Variants in CDC42BPB observed in about 807,000 individuals in gnomAD.
CDC42BPB encodes the protein serine/threonine-protein kinase MRCK beta.
CDC42BPB carries 37 observed loss-of-function variants against 214.9 expected under a neutral mutation model. That is an observed-to-expected ratio of 0.17 (90% CI 0.13 to 0.23). The LOEUF (loss-of-function observed/expected upper bound fraction) is 0.23, where lower values mean the gene tolerates loss of function less well. Ranked by LOEUF, CDC42BPB falls within the 10% of genes least tolerant of loss-of-function variation. CDC42BPB has a pLI of 1.00. For synonymous variants in CDC42BPB, 931 were observed against 884.0 expected (o/e 1.05, Z -0.94); for missense variants, 1,694 against 2,227.0 (o/e 0.76, Z 4.82).
rs1404292903 is a variant in CDC42BPB at position 103,015,785 on chromosome 14, T to G, written c.176-3597A>C. Among the ~76,000 whole-genome samples the G allele has an allele frequency of 4.6e-5, 7 of 152,108 alleles. No individual in the cohort carries two copies. In the East Asian group the frequency reaches 9.7e-4, roughly 21 times the overall value. On this transcript the variant is annotated intron_variant, in intron 1 of 36. Coordinates refer to ENST00000361246, the MANE Select transcript of CDC42BPB (RefSeq NM_006035.4). ...GAGTGCAGTAACAATCTCAGCTCACTGCAACCTCCGCCTCCTGGGTTCAAG... is the reference window on the plus strand; with the variant it reads ...GAGTGCAGTAACAATCTCAGCTCACGGCAACCTCCGCCTCCTGGGTTCAAG...
intron 21 of CDC42BPB, among the ~76,000 whole-genome samples, chr14:102,957,411 G>A (rs986990129): frequency 4.6e-5 from 7 of 152,056 alleles, no homozygotes; most frequent in South Asian, 2.1e-4. Context: ...GAAAGCTACC[G>A]CTTTCCTGGC....
chr14:103,033,986 G>A (rs1322176720), intron 1 of CDC42BPB, among the ~76,000 whole-genome samples: 3 of 152,108 alleles, frequency 2.0e-5, no homozygotes, highest in East Asian at 1.9e-4. Flanking sequence ...ACTTCTGTAC[G>A]GATTCTACAA....
chr14:103,042,546 G>A (rs1051392283), intron 1 of CDC42BPB, among the ~76,000 whole-genome samples: 2 of 152,130 alleles, frequency 1.3e-5, no homozygotes, highest in African/African-American at 2.4e-5. Flanking sequence ...TCCTGACCTC[G>A]TGATCTGCCC....
chr14:102,975,820 C>T lies in CDC42BPB; in HGVS notation c.1388-17G>A, dbSNP rs368958430. 28 of 1,613,990 alleles carry T rather than the reference C, an allele frequency of 1.7e-5. No homozygotes were observed. Among genetic ancestry groups the T allele is most frequent in the Non-Finnish European group, 2.2e-5 (26 of 1,179,982 alleles). Reference sequence around the variant, plus strand: ...GGGTGGACTCTGAGGGATGGAGAGACAGCGTGAGGTGCAGCCTGGCCGCAG... The same window carrying T: ...GGGTGGACTCTGAGGGATGGAGAGATAGCGTGAGGTGCAGCCTGGCCGCAG... On this transcript the variant is annotated splice_polypyrimidine_tract_variant and intron_variant, in intron 10 of 36. Coordinates refer to ENST00000361246, the MANE Select transcript of CDC42BPB (RefSeq NM_006035.4).
intron 10 of CDC42BPB, 27 bp from the exon 11 acceptor site, chr14:102,975,830 T>G: frequency 6.2e-7 from 1 of 1,613,950 alleles, no homozygotes; most frequent in Non-Finnish European, 8.5e-7. Flanking sequence ...CAGCGTGAGG[T>G]GCAGCCTGGC....
At chr14:102,986,411 C>T in intron 6 of CDC42BPB, 76 bp downstream of exon 6, 1 of 926,522 alleles carries the variant, frequency 1.1e-6, no homozygotes, top group Non-Finnish European at 1.7e-6. Flanking sequence ...TTAATTGTAC[C>T]TCAAATTGAA....
At chr14:103,035,797 G>A (rs1480701865) in intron 1 of CDC42BPB, among the ~76,000 whole-genome samples, 3 of 151,804 alleles carry the variant, frequency 2.0e-5, no homozygotes, top group Non-Finnish European at 4.4e-5. Flanking sequence ...CGGAGATCAC[G>A]CCACTGCATT....
chr14:103,025,359 A>G (rs1886991941), intron 1 of CDC42BPB, among the ~76,000 whole-genome samples: 1 of 152,128 alleles, frequency 6.6e-6, no homozygotes, highest in Non-Finnish European at 1.5e-5. Context: ...ACCCAAGAGA[A>G]GTGAGCAGGT....
chr14:102,943,985 C>T lies in CDC42BPB; in HGVS notation c.4314G>A (p.Leu1438=). Reference sequence around the variant, plus strand: ...ACAGTCCCATGTGGCTGAAGCAAAGCAGGTACTCCTCGCTTTCGAGCTCCA... The same window carrying T: ...ACAGTCCCATGTGGCTGAAGCAAAGTAGGTACTCCTCGCTTTCGAGCTCCA... ...CAVELESEEY[L]LCFSHMGLYV... is the part of the protein sequence containing the mutation. Residue 1438 remains leucine, a synonymous_variant, in exon 30 of 37, where the codon CTG becomes CTA. Transcript: ENST00000361246. The surrounding 1 kb of genome is among the most constrained non-coding windows in gnomAD (Gnocchi z 4.6). 6.2e-7 allele frequency: 1 copy of T among 1,613,208 alleles called. No individual in the cohort carries two copies. Among genetic ancestry groups the T allele is most frequent in the Non-Finnish European group, 8.5e-7 (1 of 1,180,034 alleles).
chr14:102,972,827 G>T (rs1009366621), intron 12 of CDC42BPB, among the ~76,000 whole-genome samples: 2 of 146,452 alleles, frequency 1.4e-5, no homozygotes, highest in Non-Finnish European at 3.0e-5. Context: ...CTGCACAGCC[G>T]CAAAGCTGAA....
rs765105092 is a variant in CDC42BPB at position 102,964,599 on chromosome 14, G to A, written c.2629C>T (p.Leu877=). 3 of 1,613,944 alleles carry A rather than the reference G, an allele frequency of 1.9e-6. No individual in the cohort carries two copies. Among genetic ancestry groups the A allele is most frequent in the South Asian group, 1.1e-5 (1 of 91,064 alleles). The change falls in exon 19 of 37, where the codon CTG becomes TTG. Residue 877 remains leucine (L), a synonymous_variant. Coordinates refer to ENST00000361246, the MANE Select transcript of CDC42BPB (RefSeq NM_006035.4). The part of the protein sequence containing the change: ...RSQKLDMSAR[L]ELQSALEAEI... ...GCCTCCAGGGCCGACTGCAGCTCCA[G>A]CCGCGCGGACATGTCCAGCTTCTGG...
intron 1 of CDC42BPB, among the ~76,000 whole-genome samples, chr14:103,037,209 T>C (rs1433811219): frequency 6.6e-6 from 1 of 152,200 alleles, no homozygotes; most frequent in East Asian, 1.9e-4. Flanking sequence ...AGAAAGACAA[T>C]TATAATAAAC....
At chr14:102,974,702 A>C (rs1412015475) in intron 11 of CDC42BPB, among the ~76,000 whole-genome samples, 2 of 152,240 alleles carry the variant, frequency 1.3e-5, no homozygotes, top group Non-Finnish European at 2.9e-5. Flanking sequence ...TCACGCCTGT[A>C]ATCCCAGCAC....
In CDC42BPB at chr14:102,947,796, G is replaced by A. The variant is rs150060973; in HGVS notation, c.3456C>T (p.Asp1152=). 6 of 1,612,470 alleles carry A rather than the reference G, an allele frequency of 3.7e-6. No individual in the cohort carries two copies. Among genetic ancestry groups the A allele is most frequent in the Non-Finnish European group, 3.4e-6 (4 of 1,179,802 alleles). ...IASQVLDLRD[D]EFSVSSVLAS... ...CCAGGACTGAGCTCACGGAAAACTC[G>A]TCATCTCTGGTAAGGAAGAAACATT... is the stretch of plus-strand genomic sequence containing the variant. Residue 1152 remains aspartate, a synonymous_variant, in exon 27 of 37, where the codon GAC becomes GAT. Coordinates refer to ENST00000361246, the MANE Select transcript of CDC42BPB (RefSeq NM_006035.4).
intron 5 of CDC42BPB, among the ~76,000 whole-genome samples, chr14:102,990,365 C>T (rs74085588): frequency 0.19 from 28,216 of 152,160 alleles, 5,198 homozygotes; most frequent in African/African-American, 0.48. Context: ...CCCGGAATGC[C>T]TGCGGGCAGG....
At chr14:103,051,829 G>T (rs191464117) in intron 1 of CDC42BPB, among the ~76,000 whole-genome samples, 1 of 151,982 alleles carries the variant, frequency 6.6e-6, no homozygotes, top group African/African-American at 2.4e-5. Flanking sequence ...AAGCCCAACT[G>T]TCATGGAAGG....
chr14:102,970,858 C>G (rs1157847357), intron 13 of CDC42BPB, among the ~76,000 whole-genome samples: 1 of 152,224 alleles, frequency 6.6e-6, no homozygotes, highest in Non-Finnish European at 1.5e-5. Context: ...CAAACAGGTC[C>G]TCTGGGGCTA....
At chr14:103,030,281 A>G (rs1472916690) in intron 1 of CDC42BPB, among the ~76,000 whole-genome samples, 4 of 152,260 alleles carry the variant, frequency 2.6e-5, no homozygotes, top group African/African-American at 4.8e-5. Context: ...TAAAACATTT[A>G]AGAATGTTTA....
chr14:103,057,364 G>T lies in CDC42BPB; in HGVS notation c.-191C>A. 3 of 999,800 alleles carry T rather than the reference G, an allele frequency of 3.0e-6. No individual in the cohort carries two copies. In the South Asian group the frequency reaches 1.4e-4, roughly 46 times the overall value. The allele number at this position is 999,800 out of a possible 1,614,324, so 61.9% of individuals were successfully genotyped here. ...CTCCGTCCCGACGGCGCAGAGTCTG[G>T]GGCGCCGGGCCCCGCGGGTCCATGG... On this transcript the variant is annotated 5_prime_UTR_variant, in exon 1 of 37. Transcript: ENST00000361246.
Sources: gnomAD v4.1 joint callset for allele counts (sites outside exome capture counted in the v4.1 genomes callset) on GRCh38, gnomAD v4.1.1 for gene constraint, Gnocchi (gnomAD v3.1) non-coding constraint, MANE v1.5 for transcripts, NCBI Gene and HGNC (gene_info 2026-07-23, HGNC 2026-07-21) for gene names.